Variants in CLINT1 observed in about 807,000 individuals in gnomAD.
CLINT1 encodes clathrin interacting protein localized in the trans-Golgi region.
Under a neutral mutation model 70.4 loss-of-function variants are expected in CLINT1, and 15 were observed. The ratio of observed to expected loss-of-function variants is 0.21; its 90% CI spans 0.14 to 0.33. The LOEUF (loss-of-function observed/expected upper bound fraction) is 0.33, where lower values mean the gene tolerates loss of function less well. Ranked by LOEUF, CLINT1 falls within the 10% of genes least tolerant of loss-of-function variation. CLINT1 has a pLI of 1.00. For missense variants in CLINT1, 615 were observed against 778.1 expected (o/e 0.79, Z 2.49); for synonymous variants, 227 against 254.7 (o/e 0.89, Z 1.04).
At chr5:157,828,568 C>A (rs1043504145) in intron 1 of CLINT1, among the ~76,000 whole-genome samples, 1 of 152,084 alleles carries the variant, frequency 6.6e-6, no homozygotes, top group Non-Finnish European at 1.5e-5. Flanking sequence ...GTGGTAATAA[C>A]TAGAGTGGGT....
chr5:157,804,061 C>T (rs1023543962), intron 7 of CLINT1, among the ~76,000 whole-genome samples: 1 of 147,824 alleles, frequency 6.8e-6, no homozygotes, highest in Non-Finnish European at 1.5e-5. Flanking sequence ...AAAAAAAATA[C>T]CCTAGCATAT....
intron 1 of CLINT1, among the ~76,000 whole-genome samples, chr5:157,842,140 T>G (rs1178730448): frequency 6.6e-6 from 1 of 152,202 alleles, no homozygotes; most frequent in Non-Finnish European, 1.5e-5. Context: ...TACCGAATGT[T>G]GATAATTAAA....
rs1762375431 is a variant in CLINT1, at chr5:157,806,072, G to A, written c.736C>T (p.Pro246Ser). The A allele has an allele frequency of 6.2e-7, 1 of 1,613,930 alleles. No individual in the cohort carries two copies. Among genetic ancestry groups the A allele is most frequent in the African/African-American group, 1.3e-5 (1 of 75,038 alleles). Reference protein sequence around the residue: ...EEKKARRGRSPKGEFKDEEET... With the variant: ...EEKKARRGRSSKGEFKDEEET... Reference sequence around the variant, plus strand: ...TCTTCATCTTTGAATTCACCTTTGGGAGATCTGCCTCTTCTCGCTTTCTTT... The same window carrying A: ...TCTTCATCTTTGAATTCACCTTTGGAAGATCTGCCTCTTCTCGCTTTCTTT... The change falls in exon 7 of 12, where the codon CCC becomes TCC. Residue 246 changes from proline to serine, a missense_variant. Pro to Ser is a moderately conservative substitution (Grantham distance 74). Transcript: ENST00000411809.
Position 157,791,828 on chromosome 5 carries a change from T to A in CLINT1, c.1255A>T (p.Asn419Tyr), listed in dbSNP as rs765121560. 1 of 1,613,902 alleles carries A rather than the reference T, an allele frequency of 6.2e-7. No homozygotes were observed. Among genetic ancestry groups the A allele is most frequent in the Non-Finnish European group, 8.5e-7 (1 of 1,179,860 alleles). The change falls in exon 10 of 12, where the codon AAT becomes TAT. Residue 419 changes from asparagine (N) to tyrosine (Y), a missense_variant. Coordinates refer to ENST00000411809, the MANE Select transcript of CLINT1 (RefSeq NM_014666.4). ...ATAAGATCAAACAGGTCTGAAGAATTTGAGGCAGCAGGAGGTGGGCCTAGA... is the reference window on the plus strand; with the variant it reads ...ATAAGATCAAACAGGTCTGAAGAATATGAGGCAGCAGGAGGTGGGCCTAGA... ...SALGPPPAAS[N>Y]SSDLFDLMGS...
chr5:157,803,717 A>T lies in CLINT1; in HGVS notation c.945T>A (p.Thr315=). The change falls in exon 8 of 12, where the codon ACT becomes ACA. Residue 315 remains threonine (T), a splice_region_variant and synonymous_variant. Coordinates refer to ENST00000411809, the MANE Select transcript of CLINT1 (RefSeq NM_014666.4). ...CAGATGACTTGCTGCTAGGCACTGAAGTCTGAAAACACACACATAACTCAG... is the reference window on the plus strand; with the variant it reads ...CAGATGACTTGCTGCTAGGCACTGATGTCTGAAAACACACACATAACTCAG... ...STHTPQSSVK[T]SVPSSKSSGD... 6.4e-7 allele frequency: 1 copy of T among 1,554,086 alleles called. No homozygotes were observed. The highest frequency in any genetic ancestry group is 8.8e-7 in the Non-Finnish European group (1 of 1,142,110).
chr5:157,859,009 G>A lies in CLINT1; in HGVS notation c.-39C>T. ...GGACGGTCCGCCGCCTCCCTCTCCTGCTCCCCACGGACCCCGGAACACTTC... is the reference window on the plus strand; with the variant it reads ...GGACGGTCCGCCGCCTCCCTCTCCTACTCCCCACGGACCCCGGAACACTTC... On this transcript the variant is annotated 5_prime_UTR_variant, in exon 1 of 12. Transcript: ENST00000411809. The A allele has an allele frequency of 6.2e-7, 1 of 1,608,102 alleles. No individual in the cohort carries two copies. The highest frequency in any genetic ancestry group is 8.5e-7 in the Non-Finnish European group (1 of 1,177,386).
Position 157,859,059 on chromosome 5 carries a change from G to C in CLINT1, c.-89C>G. 6.8e-7 allele frequency: 1 copy of C among 1,477,148 alleles called. No homozygotes were observed. The highest frequency in any genetic ancestry group is 9.2e-7 in the Non-Finnish European group (1 of 1,081,954). The allele number at this position is 1,477,148 out of a possible 1,614,324, so 91.5% of individuals were successfully genotyped here. On this transcript the variant is annotated 5_prime_UTR_variant, in exon 1 of 12. Transcript: ENST00000411809. ...CCGTACCGGGGCAGTTCCAGGCCGG[G>C]GTCACCGCCGCCCGCCGCCTCGAAC...
At chr5:157,845,941 A>G (rs1677888113) in intron 1 of CLINT1, among the ~76,000 whole-genome samples, 1 of 152,138 alleles carries the variant, frequency 6.6e-6, no homozygotes, top group South Asian at 2.1e-4. Flanking sequence ...TGATGTTACT[A>G]TTGTAATTGT....
chr5:157,853,632 C>A (rs1470523375), intron 1 of CLINT1, among the ~76,000 whole-genome samples: 1 of 151,696 alleles, frequency 6.6e-6, no homozygotes, highest in African/African-American at 2.4e-5. Context: ...CAAAAATTAG[C>A]CGGGCATGGT....
chr5:157,794,885 A>G lies in CLINT1; in HGVS notation c.1087+13T>C. The stretch of plus-strand genomic sequence containing the variant: ...ACCACCCTAGACTTCTGGCCAATCA[A>G]ATTGAATCATACCTTGGGAAGGGAA... On this transcript the variant is annotated intron_variant, in intron 9 of 11. Transcript: ENST00000411809. 1 of 1,553,572 alleles carries G rather than the reference A, an allele frequency of 6.4e-7. No homozygotes were observed. The highest frequency in any genetic ancestry group is 8.7e-7 in the Non-Finnish European group (1 of 1,147,180).
chr5:157,817,341 T>C (rs548034633), intron 2 of CLINT1, 102 bp downstream of exon 2: 97 of 716,232 alleles, frequency 1.4e-4, no homozygotes, highest in Admixed American at 9.8e-4. Flanking sequence ...GCAAAATTTA[T>C]ATTTTGGCAG....
chr5:157,816,958 G>A (rs1031043475), intron 2 of CLINT1, 128 bp from the exon 3 acceptor site: 2 of 621,294 alleles, frequency 3.2e-6, no homozygotes, highest in Non-Finnish European at 5.4e-6. Flanking sequence ...AAAAAATTTA[G>A]AAGATATGTA....
intron 1 of CLINT1, among the ~76,000 whole-genome samples, chr5:157,838,077 T>A (rs912395110): frequency 2.6e-5 from 4 of 152,142 alleles, no homozygotes; most frequent in African/African-American, 9.7e-5. Flanking sequence ...AAATGCCACT[T>A]TTAACAAATG....
intron 8 of CLINT1, among the ~76,000 whole-genome samples, chr5:157,801,368 G>T (rs1317249498): frequency 6.6e-6 from 1 of 151,582 alleles, no homozygotes; most frequent in Non-Finnish European, 1.5e-5. Context: ...TCAGCCGGGC[G>T]TGGTGGCGCA....
intron 1 of CLINT1, among the ~76,000 whole-genome samples, chr5:157,821,086 C>A (rs1370506843): frequency 6.6e-6 from 1 of 151,918 alleles, no homozygotes; most frequent in African/African-American, 2.4e-5. Context: ...TTTAAAGTAC[C>A]GGCAACCATT....
intron 1 of CLINT1, among the ~76,000 whole-genome samples, chr5:157,854,016 A>G (rs964440436): frequency 1.3e-5 from 2 of 152,112 alleles, no homozygotes; most frequent in African/African-American, 4.8e-5. Flanking sequence ...GGAGGAGAAT[A>G]ATTAATTCAT....
intron 11 of CLINT1, 88 bp downstream of exon 11, chr5:157,789,275 T>C (rs775016482): frequency 3.6e-6 from 4 of 1,112,516 alleles, no homozygotes; most frequent in Non-Finnish European, 4.1e-6. Flanking sequence ...TTATGTGATA[T>C]ATTTTTATTT....
chr5:157,839,268 T>G (rs906884212), intron 1 of CLINT1, among the ~76,000 whole-genome samples: 1 of 151,670 alleles, frequency 6.6e-6, no homozygotes, highest in African/African-American at 2.4e-5. Context: ...AACCTTAAGC[T>G]TTACTCAAAA....
At chr5:157,817,400 G>T in intron 2 of CLINT1, 43 bp downstream of exon 2, 1 of 1,207,024 alleles carries the variant, frequency 8.3e-7, no homozygotes, top group Non-Finnish European at 1.2e-6. Context: ...GTGTTAAGAT[G>T]CTTTGATTTT....
Sources: allele counts gnomAD v4.1 joint callset (sites outside exome capture counted in the v4.1 genomes callset), GRCh38; gene constraint gnomAD v4.1.1; transcripts MANE v1.5; gene names NCBI Gene and HGNC (gene_info 2026-07-23, HGNC 2026-07-21).